LRP1B: variants seen among roughly 807,000 people sequenced by gnomAD.
LRP1B encodes the protein low-density lipoprotein receptor-related protein 1B.
LRP1B carries 217 observed loss-of-function variants against 556.6 expected under a neutral mutation model. That is an observed-to-expected ratio of 0.39 (90% CI 0.35 to 0.44). The LOEUF (loss-of-function observed/expected upper bound fraction) is 0.44. Ranked by LOEUF, LRP1B falls within the 20% of genes least tolerant of loss-of-function variation. The probability of loss-of-function intolerance (pLI) is 1.00; values close to 1 mark genes in which losing one functional copy is unlikely to be tolerated. For synonymous variants in LRP1B, 2,047 were observed against 1,865.8 expected (o/e 1.10, Z -2.50); for missense variants, 5,053 against 5,620.8 (o/e 0.90, Z 3.23).
At position 140,849,138 on chromosome 2, in the gene LRP1B, C is replaced by T. The variant is rs148474873; in HGVS notation, c.4939+964G>A. On this transcript the variant is annotated intron_variant, in intron 29 of 90. Coordinates refer to ENST00000389484, the MANE Select transcript of LRP1B (RefSeq NM_018557.3). ...TTGGGAGGCCAAGGCGGGTGGATTG[C>T]GAGGTCAGGAGTTCAAGACTAGCCT... Among the ~76,000 whole-genome samples, 259 of 143,516 alleles carry T rather than the reference C, an allele frequency of 1.8e-3. 1 individual carries two copies. Among genetic ancestry groups the T allele is most frequent in the African/African-American group, 6.2e-3 (238 of 38,124 alleles). The allele number at this position is 143,516 out of a possible 152,430, so 94.2% of individuals were successfully genotyped here.
chr2:140,779,177 A>G (rs958254488), intron 32 of LRP1B, among the ~76,000 whole-genome samples: 11 of 152,116 alleles, frequency 7.2e-5, no homozygotes, highest in African/African-American at 2.7e-4. Flanking sequence ...GAATATATGC[A>G]TGTAACATTT....
At chr2:141,192,437 G>A (rs1681555860) in intron 6 of LRP1B, among the ~76,000 whole-genome samples, 1 of 151,812 alleles carries the variant, frequency 6.6e-6, no homozygotes, top group Non-Finnish European at 1.5e-5. Flanking sequence ...TAATTTTGCT[G>A]AAATATAACA....
chr2:141,963,776 T>C (rs1490173453), intron 1 of LRP1B, among the ~76,000 whole-genome samples: 1 of 147,032 alleles, frequency 6.8e-6, no homozygotes, highest in Non-Finnish European at 1.5e-5. Context: ...ATAAAGGGTA[T>C]TCAGTTAGGA....
At position 141,497,311 on chromosome 2, in the gene LRP1B, T is replaced by C. The variant is rs534550293; in HGVS notation, c.206-16778A>G. Among the ~76,000 whole-genome samples the C allele has an allele frequency of 5.3e-5, 8 of 152,100 alleles. No individual in the cohort carries two copies. In the South Asian group the frequency reaches 1.7e-3, roughly 31 times the overall value. ...ACTTTTTTTAGAGGCAACTATTTTC[T>C]CTCCTCTGCTACCTGCAATTACTCA... On this transcript the variant is annotated intron_variant, in intron 2 of 90. Transcript: ENST00000389484.
At chr2:140,727,381 G>A (rs939472750) in intron 35 of LRP1B, among the ~76,000 whole-genome samples, 3 of 152,122 alleles carry the variant, frequency 2.0e-5, no homozygotes, top group African/African-American at 7.2e-5. Flanking sequence ...GAGGATCAAT[G>A]TCTCCACACG....
intron 43 of LRP1B, among the ~76,000 whole-genome samples, chr2:140,580,849 TC>T (rs1238863247): frequency 6.6e-6 from 1 of 152,046 alleles, no homozygotes; most frequent in Non-Finnish European, 1.5e-5. Flanking sequence ...GGAGGGCTGC[TC>T]CAGAAATATC....
At chr2:141,689,990 T>A (rs890586455) in intron 2 of LRP1B, among the ~76,000 whole-genome samples, 2 of 151,612 alleles carry the variant, frequency 1.3e-5, no homozygotes, top group Non-Finnish European at 2.9e-5. Flanking sequence ...TGGAAGACTT[T>A]AATTTTGAAA....
At chr2:141,934,293 G>A (rs1700577954) in intron 1 of LRP1B, among the ~76,000 whole-genome samples, 1 of 151,900 alleles carries the variant, frequency 6.6e-6, no homozygotes, top group Admixed American at 6.6e-5. Context: ...GACTGATGAT[G>A]AAAAATCTAA....
intron 2 of LRP1B, among the ~76,000 whole-genome samples, chr2:141,535,185 T>G (rs1265134672): frequency 6.6e-6 from 1 of 152,152 alleles, no homozygotes; most frequent in African/African-American, 2.4e-5. Flanking sequence ...ATACTCAGGC[T>G]TGACTGAGCA....
chr2:140,413,049 A>C (rs537456649), intron 66 of LRP1B, among the ~76,000 whole-genome samples: 2 of 152,264 alleles, frequency 1.3e-5, no homozygotes, highest in South Asian at 4.1e-4. Flanking sequence ...AAATATCGTA[A>C]TAAAAATGGG....
chr2:142,111,134 A>T (rs1020841645), intron 1 of LRP1B, among the ~76,000 whole-genome samples: 1 of 152,128 alleles, frequency 6.6e-6, no homozygotes, highest in Non-Finnish European at 1.5e-5. Flanking sequence ...AAAACTGGAG[A>T]TCCAGAAAAG....
At chr2:140,991,809 A>G (rs1299854368) in intron 16 of LRP1B, among the ~76,000 whole-genome samples, 2 of 152,148 alleles carry the variant, frequency 1.3e-5, no homozygotes, top group African/African-American at 4.8e-5. Flanking sequence ...GCAGTATTGC[A>G]GAGGAGAAAA....
At chr2:140,276,846 C>G (rs1682692394) in intron 84 of LRP1B, among the ~76,000 whole-genome samples, 1 of 151,818 alleles carries the variant, frequency 6.6e-6, no homozygotes, top group South Asian at 2.1e-4. Flanking sequence ...AATTCCAGTG[C>G]CGTTCCCTGC....
intron 20 of LRP1B, among the ~76,000 whole-genome samples, chr2:140,948,247 AC>A (rs1695600408): frequency 6.6e-6 from 1 of 152,166 alleles, no homozygotes; most frequent in Non-Finnish European, 1.5e-5. Context: ...ACAGACGCAC[AC>A]CCCACGAGGA....
At chr2:141,990,536 A>C (rs1324202008) in intron 1 of LRP1B, among the ~76,000 whole-genome samples, 1 of 152,038 alleles carries the variant, frequency 6.6e-6, no homozygotes, top group East Asian at 1.9e-4. Context: ...ATATAAAGAA[A>C]GCAGCTGTCT....
At chr2:140,884,095 C>CTTAACACAATCCTTGAATGGGTGCA in intron 24 of LRP1B, 74 bp from the exon 25 acceptor site, 1 of 1,306,494 alleles carries the variant, frequency 7.7e-7, no homozygotes, top group Non-Finnish European at 1.1e-6. Context: ...GGCCTTTGTG[C>CTTAACACAATCCTTGAATGGGTGCA]CTGTGATCAG....
chr2:141,258,753 GA>G (rs1318813016), intron 3 of LRP1B, among the ~76,000 whole-genome samples: 1 of 152,064 alleles, frequency 6.6e-6, no homozygotes, highest in East Asian at 1.9e-4. Flanking sequence ...CTGATTGTTT[GA>G]AAGTGTGTAG....
At chr2:141,088,430 C>T (rs1388336960) in intron 7 of LRP1B, among the ~76,000 whole-genome samples, 4 of 152,198 alleles carry the variant, frequency 2.6e-5, no homozygotes, top group Middle Eastern at 6.8e-3. Flanking sequence ...ACTGTTCTAA[C>T]GTCACATTTT....
intron 2 of LRP1B, among the ~76,000 whole-genome samples, chr2:141,714,476 A>ATT (rs769728936): frequency 2.5e-5 from 3 of 120,310 alleles, no homozygotes; most frequent in African/African-American, 9.0e-5. Context: ...TATTTTAAGT[A>ATT]TTTTTTTTTT....
Sources: allele counts gnomAD v4.1 joint callset (sites outside exome capture counted in the v4.1 genomes callset), GRCh38; gene constraint gnomAD v4.1.1; transcripts MANE v1.5; gene names NCBI Gene and HGNC (gene_info 2026-07-23, HGNC 2026-07-21).